IL33: variants seen among roughly 807,000 people sequenced by gnomAD.
IL33 encodes the protein interleukin-33.
A neutral mutation model predicts 27.3 loss-of-function variants in IL33; 37 were observed. That is an observed-to-expected ratio of 1.36 (90% CI 1.04 to 1.78). The LOEUF (loss-of-function observed/expected upper bound fraction) is 1.78. IL33 is among the 40% of genes most tolerant of loss of function. IL33 has a pLI of 0.00. For missense variants in IL33, 406 were observed against 311.4 expected (o/e 1.30, Z -2.29); for synonymous variants, 132 against 102.9 (o/e 1.28, Z -1.71).
chr9:6,251,691 C>G (rs3858049), intron 4 of IL33, among the ~76,000 whole-genome samples: 4 of 151,616 alleles, frequency 2.6e-5, no homozygotes, highest in East Asian at 3.9e-4. Flanking sequence ...TTATCACTTC[C>G]TTGTATAAGG....
intron 1 of IL33, among the ~76,000 whole-genome samples, chr9:6,225,924 C>A (rs896140884): frequency 1.3e-5 from 2 of 152,106 alleles, no homozygotes; most frequent in African/African-American, 4.8e-5. Flanking sequence ...GATGAAGGCT[C>A]ATTATGATGC....
intron 1 of IL33, among the ~76,000 whole-genome samples, chr9:6,227,627 A>C (rs1419260341): frequency 6.6e-6 from 1 of 152,128 alleles, no homozygotes; most frequent in African/African-American, 2.4e-5. Context: ...CTCTTTACAA[A>C]GTTTTGAAAA....
rs1449247864 is a variant in IL33, at chr9:6,251,356, C to G, written c.343+91C>G. On this transcript the variant is annotated intron_variant, in intron 4 of 7. Coordinates refer to ENST00000682010, the MANE Select transcript of IL33 (RefSeq NM_033439.4). ...GCTACTCCAGGTAGCAGTCCCAAGT[C>G]TGTGTCTTTAATGTGTACCAGAAAC... is the stretch of plus-strand genomic sequence containing the variant. 14 of 1,560,994 alleles carry G rather than the reference C, an allele frequency of 9.0e-6. No homozygotes were observed. Among genetic ancestry groups the G allele is most frequent in the African/African-American group, 1.4e-5 (1 of 73,240 alleles).
At chr9:6,239,478 G>C (rs1035618893) in intron 1 of IL33, among the ~76,000 whole-genome samples, 3 of 152,110 alleles carry the variant, frequency 2.0e-5, no homozygotes, top group Non-Finnish European at 4.4e-5. Context: ...CATGCCTTCT[G>C]CAAATGACAC....
intron 1 of IL33, among the ~76,000 whole-genome samples, chr9:6,219,286 T>C (rs921526182): frequency 6.6e-6 from 1 of 151,890 alleles, no homozygotes; most frequent in Non-Finnish European, 1.5e-5. Flanking sequence ...CTGGTGCTGA[T>C]GTCTGCAAGC....
intron 1 of IL33, among the ~76,000 whole-genome samples, chr9:6,228,932 C>T (rs1052391399): frequency 3.8e-4 from 58 of 151,928 alleles, no homozygotes; most frequent in African/African-American, 1.4e-3. Flanking sequence ...GCTGCAGACT[C>T]TGTGGACTTT....
intron 1 of IL33, among the ~76,000 whole-genome samples, chr9:6,236,917 T>A (rs556144965): frequency 1.6e-4 from 24 of 152,198 alleles, no homozygotes; most frequent in Admixed American, 2.6e-4. Context: ...GCTAAAATAA[T>A]CTCTGTTTAG....
intron 2 of IL33, among the ~76,000 whole-genome samples, chr9:6,244,383 A>T (rs1819703392): frequency 6.6e-6 from 1 of 152,184 alleles, no homozygotes; most frequent in East Asian, 1.9e-4. Context: ...CACCCAACAG[A>T]TGCTTAAAAC....
intron 2 of IL33, chr9:6,242,861 T>C (rs1420912011): frequency 6.5e-6 from 1 of 152,864 alleles, no homozygotes; most frequent in Non-Finnish European, 1.5e-5. Flanking sequence ...GGTGCTAGCA[T>C]CTGCTTCTGG....
At position 6,221,159 on chromosome 9, in the gene IL33, T is replaced by C. The variant is rs148780135; in HGVS notation, c.-12+5307T>C. Among the ~76,000 whole-genome samples, 13 of 152,304 alleles carry C rather than the reference T, an allele frequency of 8.5e-5. No individual in the cohort carries two copies. The East Asian group carries it at 2.5e-3, about 29-fold the overall frequency. On this transcript the variant is annotated intron_variant, in intron 1 of 7. Coordinates refer to ENST00000682010, the MANE Select transcript of IL33 (RefSeq NM_033439.4). ...TCATTCTGATGTAATTTGGTGACTA[T>C]CTCCAGCTTCCTGTTTTTTCCCCCA... is the stretch of plus-strand genomic sequence containing the variant.
Position 6,257,233 on chromosome 9 carries a change from T to A in IL33, c.*1065T>A, listed in dbSNP as rs1461683631. On this transcript the variant is annotated 3_prime_UTR_variant, in exon 8 of 8. Coordinates refer to ENST00000682010, the MANE Select transcript of IL33 (RefSeq NM_033439.4). ...TCACATTGGGCAAAGTTGCTTCTAA[T>A]CCTTATTTCCCATGTGCACAAGTCT... 2 of 152,218 alleles carry A rather than the reference T, an allele frequency of 1.3e-5. No individual in the cohort carries two copies. The highest frequency in any genetic ancestry group is 4.8e-5 in the African/African-American group (2 of 41,474). The allele number at this position is 152,218 out of a possible 1,614,324, so 9.4% of individuals were successfully genotyped here.
chr9:6,257,702 A>T lies in IL33; in HGVS notation c.*1534A>T, dbSNP rs1313185946. 1 of 152,302 alleles carries T rather than the reference A, an allele frequency of 6.6e-6. No individual in the cohort carries two copies. Among genetic ancestry groups the T allele is most frequent in the East Asian group, 1.9e-4 (1 of 5,198 alleles). 9.4% of individuals were successfully genotyped at this position (152,302 alleles called of 1,614,324 possible). The stretch of plus-strand genomic sequence containing the variant: ...ATACTTTTACATTTCTACTTTATTG[A>T]GACCTATTAGATGTAAGTGCTAGTA... On this transcript the variant is annotated 3_prime_UTR_variant, in exon 8 of 8. Coordinates refer to ENST00000682010, the MANE Select transcript of IL33 (RefSeq NM_033439.4).
In IL33 at chr9:6,257,359, T is replaced by G. The variant is rs1816795944; in HGVS notation, c.*1191T>G. On this transcript the variant is annotated 3_prime_UTR_variant, in exon 8 of 8. Coordinates refer to ENST00000682010, the MANE Select transcript of IL33 (RefSeq NM_033439.4). ...TAACTACCATGCCCTTGATATATCT[T>G]TTGCACCTGCTGAACTTCATTTCTG... is the stretch of plus-strand genomic sequence containing the variant. 6.6e-6 allele frequency: 1 copy of G among 152,542 alleles called. No individual in the cohort carries two copies. The highest frequency in any genetic ancestry group is 2.4e-5 in the African/African-American group (1 of 41,454). The allele number at this position is 152,542 out of a possible 1,614,324, so 9.4% of individuals were successfully genotyped here. A position where few individuals can be genotyped will look rare whatever the true frequency, so the allele number is the denominator to read the frequency against.
chr9:6,235,544 C>T (rs1819151906), intron 1 of IL33, among the ~76,000 whole-genome samples: 1 of 152,072 alleles, frequency 6.6e-6, no homozygotes, highest in Admixed American at 6.5e-5. Context: ...TATTTGAAAA[C>T]TTATGTATGG....
At position 6,249,300 on chromosome 9, in the gene IL33, AT is replaced by A. The variant is rs372827367; in HGVS notation, c.92-1167del. ...TTTAGGAAGGCAAATCCACTGGAGA[AT>A]TTTTTTAACTCATAAAATGAATCCC... On this transcript the variant is annotated intron_variant, in intron 2 of 7. Transcript: ENST00000682010. Among the ~76,000 whole-genome samples the A allele has an allele frequency of 6.2e-3, 948 of 152,304 alleles. 11 individuals are homozygous for A. The highest frequency in any genetic ancestry group is 0.022 in the African/African-American group (914 of 41,586).
Position 6,256,417 on chromosome 9 carries a change from C to T in IL33, c.*249C>T. The T allele has an allele frequency of 2.0e-6, 1 of 511,730 alleles. No homozygotes were observed. Among genetic ancestry groups the T allele is most frequent in the Non-Finnish European group, 3.4e-6 (1 of 293,608 alleles). The allele number at this position is 511,730 out of a possible 1,614,324, so 31.7% of individuals were successfully genotyped here. The stretch of plus-strand genomic sequence containing the variant: ...AATAGGGTATTGGTAAAGAAACGGT[C>T]AACATTCTAAAGAGATACAGTCTGA... On this transcript the variant is annotated 3_prime_UTR_variant, in exon 8 of 8. Coordinates refer to ENST00000682010, the MANE Select transcript of IL33 (RefSeq NM_033439.4).
At chr9:6,253,027 T>C in intron 5 of IL33, 36 bp downstream of exon 5, 1 of 1,303,864 alleles carries the variant, frequency 7.7e-7, no homozygotes, top group Non-Finnish European at 1.1e-6. Flanking sequence ...AATGTAATAA[T>C]GACTAATAAA....
intron 1 of IL33, among the ~76,000 whole-genome samples, chr9:6,240,296 T>G (rs143346868): frequency 6.6e-6 from 1 of 152,130 alleles, no homozygotes; most frequent in East Asian, 1.9e-4. Flanking sequence ...AAGAAATACA[T>G]TCATTTGGTC....
At chr9:6,221,689 T>A (rs1818418002) in intron 1 of IL33, among the ~76,000 whole-genome samples, 1 of 152,236 alleles carries the variant, frequency 6.6e-6, no homozygotes, top group Non-Finnish European at 1.5e-5. Context: ...CTCCTTACTA[T>A]CTAGGTGGAA....
Sources: gnomAD v4.1 joint callset for allele counts (sites outside exome capture counted in the v4.1 genomes callset) on GRCh38, gnomAD v4.1.1 for gene constraint, MANE v1.5 for transcripts, NCBI Gene and HGNC (gene_info 2026-07-23, HGNC 2026-07-21) for gene names.